Variants in PLXNC1 observed in about 807,000 individuals in gnomAD.
The protein encoded by PLXNC1 is plexin C1.
In PLXNC1, 75 loss-of-function variants were observed where a neutral mutation model predicts 178.2. The ratio of observed to expected loss-of-function variants is 0.42; its 90% CI spans 0.35 to 0.51. PLXNC1 has a LOEUF of 0.51. Ranked by LOEUF, PLXNC1 falls within the 20% of genes least tolerant of loss-of-function variation. The pLI is 0.02. For synonymous variants in PLXNC1, 790 were observed against 779.9 expected (o/e 1.01, Z -0.22); for missense variants, 1,503 against 1,984.4 (o/e 0.76, Z 4.61).
intron 26 of PLXNC1, among the ~76,000 whole-genome samples, chr12:94,297,972 C>CT (rs967619234): frequency 6.6e-6 from 1 of 151,988 alleles, no homozygotes; most frequent in Non-Finnish European, 1.5e-5. Flanking sequence ...CTGTGGTGAT[C>CT]TTTTTTTTCC....
Position 94,149,435 on chromosome 12 carries a change from C to A in PLXNC1, c.464C>A (p.Ser155Ter). Residue 155 changes from serine to a stop codon, truncating the protein, a stop_gained, in exon 1 of 31, where the codon TCG (serine) becomes TAG (stop). Coordinates refer to ENST00000258526, the MANE Select transcript of PLXNC1 (RefSeq NM_005761.3). LOFTEE classifies it high-confidence loss of function. Reference sequence around the variant, plus strand: ...CTGCGCAACGGCACCGAGGTGGTGTCGTGCCACCCGCAGGGCTCGACGGCC... The same window carrying A: ...CTGCGCAACGGCACCGAGGTGGTGTAGTGCCACCCGCAGGGCTCGACGGCC... Reference protein sequence around the residue: ...NSLRNGTEVVSCHPQGSTAGV... With the variant: ...NSLRNGTEVV 2 of 1,458,088 alleles carry A rather than the reference C, an allele frequency of 1.4e-6. No individual in the cohort carries two copies. Among genetic ancestry groups the A allele is most frequent in the Non-Finnish European group, 1.8e-6 (2 of 1,114,136 alleles). 90.3% of individuals were successfully genotyped at this position (1,458,088 alleles called of 1,614,324 possible).
At chr12:94,245,674 G>A (rs1964510392) in intron 12 of PLXNC1, among the ~76,000 whole-genome samples, 3 of 152,188 alleles carry the variant, frequency 2.0e-5, no homozygotes, top group African/African-American at 7.2e-5. Flanking sequence ...TACGCCTGCA[G>A]TATGGAGTGG....
intron 4 of PLXNC1, among the ~76,000 whole-genome samples, chr12:94,189,448 G>A (rs754011114): frequency 6.6e-6 from 1 of 152,188 alleles, no homozygotes; most frequent in Non-Finnish European, 1.5e-5. Context: ...GGAGGCCAAA[G>A]TGGGTGGATC....
chr12:94,259,536 T>C (rs1964939078), intron 18 of PLXNC1, 74 bp from the exon 19 acceptor site: 5 of 1,235,286 alleles, frequency 4.0e-6, no homozygotes, highest in Non-Finnish European at 5.5e-6. Context: ...GGAAAACCCA[T>C]TGTGGGTCTA....
Position 94,282,864 on chromosome 12 carries a change from T to A in PLXNC1, c.3879+463T>A, listed in dbSNP as rs576561786. ...CTAAATTTCCTGTTTGTTTGCAATA[T>A]TGAGCGATACTTCCTTTGGCCTCTT... is the stretch of plus-strand genomic sequence containing the variant. On this transcript the variant is annotated intron_variant, in intron 23 of 30. Transcript: ENST00000258526. 46 of 156,234 alleles carry A rather than the reference T, an allele frequency of 2.9e-4. No homozygotes were observed. In the South Asian group the frequency reaches 8.4e-3, roughly 28 times the overall value. 9.7% of individuals were successfully genotyped at this position (156,234 alleles called of 1,614,324 possible).
chr12:94,177,828 G>C (rs1481852645), intron 2 of PLXNC1, among the ~76,000 whole-genome samples: 1 of 152,194 alleles, frequency 6.6e-6, no homozygotes, highest in Non-Finnish European at 1.5e-5. Context: ...GATGAGTGGT[G>C]GTGTAAAGTA....
intron 2 of PLXNC1, among the ~76,000 whole-genome samples, chr12:94,172,695 TA>T (rs1449382097): frequency 6.6e-6 from 1 of 152,202 alleles, no homozygotes; most frequent in East Asian, 1.9e-4. Context: ...AAACCCTTTG[TA>T]AAAAGTATTT....
intron 20 of PLXNC1, among the ~76,000 whole-genome samples, chr12:94,264,585 TG>T (rs1293334232): frequency 6.6e-6 from 1 of 152,258 alleles, no homozygotes; most frequent in Admixed American, 6.5e-5. Context: ...CGAGAAGTGC[TG>T]TTAACACCAA....
intron 1 of PLXNC1, chr12:94,158,032 A>T (rs1961240425): frequency 6.6e-6 from 1 of 152,212 alleles, no homozygotes; most frequent in South Asian, 2.1e-4. Flanking sequence ...AACAAGCCAG[A>T]TTTGGCCCAC....
intron 22 of PLXNC1, among the ~76,000 whole-genome samples, chr12:94,281,104 C>T (rs1966404727): frequency 6.6e-6 from 1 of 152,202 alleles, no homozygotes. Flanking sequence ...CATGGTGAAA[C>T]TCTGTCTCTA....
Position 94,298,766 on chromosome 12 carries a change from T to G in PLXNC1, c.4209T>G (p.Pro1403=), listed in dbSNP as rs561444778. 2 of 1,611,934 alleles carry G rather than the reference T, an allele frequency of 1.2e-6. No homozygotes were observed. Among genetic ancestry groups the G allele is most frequent in the Admixed American group, 1.7e-5 (1 of 59,380 alleles). ...AQAENKKITD[P]DVVHIWKTNS... The stretch of plus-strand genomic sequence containing the variant: ...CTGAAAACAAAAAAATCACAGATCC[T>G]GACGTCGTACATATTTGGAAAACAA... Residue 1403 remains proline (P), a synonymous_variant, in exon 27 of 31, where the codon CCT becomes CCG. Coordinates refer to ENST00000258526, the MANE Select transcript of PLXNC1 (RefSeq NM_005761.3).
At chr12:94,178,689 T>G (rs1446795519) in intron 2 of PLXNC1, among the ~76,000 whole-genome samples, 1 of 152,240 alleles carries the variant, frequency 6.6e-6, no homozygotes, top group East Asian at 1.9e-4. Flanking sequence ...ATCTGTACTC[T>G]CCAGTATGGT....
chr12:94,217,764 A>T (rs1306165475), intron 5 of PLXNC1, among the ~76,000 whole-genome samples: 1 of 152,106 alleles, frequency 6.6e-6, no homozygotes, highest in East Asian at 1.9e-4. Context: ...TGATTCCTTG[A>T]TACCATGTGA....
chr12:94,246,009 T>C (rs1964518818), intron 12 of PLXNC1, among the ~76,000 whole-genome samples: 1 of 152,092 alleles, frequency 6.6e-6, no homozygotes. Context: ...AAAGAGACTA[T>C]GCAGAAAGCA....
At chr12:94,178,768 T>C (rs1962195608) in intron 2 of PLXNC1, among the ~76,000 whole-genome samples, 1 of 152,234 alleles carries the variant, frequency 6.6e-6, no homozygotes, top group Admixed American at 6.5e-5. Flanking sequence ...ATGTAAATTT[T>C]TAATTAAATT....
At chr12:94,202,488 G>T (rs1365041728) in intron 4 of PLXNC1, among the ~76,000 whole-genome samples, 1 of 152,242 alleles carries the variant, frequency 6.6e-6, no homozygotes, top group Non-Finnish European at 1.5e-5. Context: ...GCAGTATGCT[G>T]TGTAGAGTAG....
At position 94,149,492 on chromosome 12, in the gene PLXNC1, G is replaced by T; in HGVS notation, c.521G>T (p.Arg174Leu). The T allele has an allele frequency of 2.0e-6, 3 of 1,529,366 alleles. No homozygotes were observed. The highest frequency in any genetic ancestry group is 2.5e-5 in the East Asian group (1 of 40,576). 94.7% of individuals were successfully genotyped at this position (1,529,366 alleles called of 1,614,324 possible). ...GVVYRAGRNN[R>L]WYLAVAATYV... ...GTGTACCGCGCGGGCCGGAACAACC[G>T]CTGGTACCTGGCGGTGGCCGCCACC... Residue 174 changes from arginine (R) to leucine (L), a missense_variant, in exon 1 of 31, where the codon CGC becomes CTC. Arg to Leu is a moderately radical substitution (Grantham distance 102). Coordinates refer to ENST00000258526, the MANE Select transcript of PLXNC1 (RefSeq NM_005761.3).
At chr12:94,194,109 C>A (rs117793745) in intron 4 of PLXNC1, among the ~76,000 whole-genome samples, 2 of 152,002 alleles carry the variant, frequency 1.3e-5, no homozygotes, top group East Asian at 3.9e-4. Flanking sequence ...AAGCAGGGCA[C>A]GTCTTACATG....
In PLXNC1 at chr12:94,149,202, G is replaced by A. The variant is rs1040854496; in HGVS notation, c.231G>A (p.Ser77=). 32 of 1,586,946 alleles carry A rather than the reference G, an allele frequency of 2.0e-5. No homozygotes were observed. Among genetic ancestry groups the A allele is most frequent in the African/African-American group, 2.8e-5 (2 of 71,694 alleles). The change falls in exon 1 of 31, where the codon TCG becomes TCA. Residue 77 remains serine, a synonymous_variant. Coordinates refer to ENST00000258526, the MANE Select transcript of PLXNC1 (RefSeq NM_005761.3). The part of the protein sequence containing the change: ...QLDYSLEHSL[S]RLYRDQAGNC... ...ACTACAGCCTGGAGCACAGCCTCTC[G>A]CGCCTGTACCGGGACCAAGCGGGCA...
Sources: allele counts gnomAD v4.1 joint callset (sites outside exome capture counted in the v4.1 genomes callset), GRCh38; gene constraint gnomAD v4.1.1; transcripts MANE v1.5; gene names NCBI Gene and HGNC (gene_info 2026-07-23, HGNC 2026-07-21).